Variants in ROBO1 observed in about 807,000 individuals in gnomAD.
ROBO1 encodes the protein roundabout guidance receptor 1.
Under a neutral mutation model 195.9 loss-of-function variants are expected in ROBO1, and 149 were observed. The observed-to-expected ratio is 0.76, with a 90% CI of 0.67 to 0.87. The LOEUF (loss-of-function observed/expected upper bound fraction) is 0.87. Among genes scored for constraint, ROBO1 ranks in the 40% least tolerant of loss-of-function variants. The pLI, the probability that ROBO1 is intolerant of heterozygous loss-of-function variation, is 0.00. For synonymous variants in ROBO1, 816 were observed against 733.2 expected, an observed-to-expected ratio of 1.11 and a Z score of -1.82; for missense variants, 1,933 against 2,068.3, an observed-to-expected ratio of 0.93 and a Z score of 1.27.
intron 3 of ROBO1, among the ~76,000 whole-genome samples, chr3:78,966,851 T>A (rs1194657255): frequency 2.0e-5 from 3 of 152,236 alleles, no homozygotes; most frequent in Non-Finnish European, 4.4e-5. Flanking sequence ...AAATGAATTA[T>A]CTGCTTTAAT....
At chr3:78,675,297 G>A (rs1234738677) in intron 10 of ROBO1, among the ~76,000 whole-genome samples, 6 of 152,226 alleles carry the variant, frequency 3.9e-5, no homozygotes, top group Admixed American at 1.3e-4. Context: ...TCTCACTAGG[G>A]AGTGCCAGAT....
chr3:79,515,224 G>T (rs2107555559), intron 2 of ROBO1, among the ~76,000 whole-genome samples: 1 of 152,278 alleles, frequency 6.6e-6, no homozygotes, highest in African/African-American at 2.4e-5. Flanking sequence ...AGAGCTTCCT[G>T]CACTGTTGAA....
chr3:79,585,217 T>G (rs1014481760), intron 2 of ROBO1, among the ~76,000 whole-genome samples: 3 of 152,068 alleles, frequency 2.0e-5, no homozygotes, highest in Non-Finnish European at 4.4e-5. Flanking sequence ...TATAGAATAT[T>G]TGCATAATTA....
chr3:78,712,005 A>G (rs920326135), intron 8 of ROBO1, among the ~76,000 whole-genome samples: 1 of 142,442 alleles, frequency 7.0e-6, no homozygotes, highest in African/African-American at 2.6e-5. Context: ...TGGGATTACA[A>G]GAAGACCTTG....
At chr3:79,424,318 A>C (rs778507890) in intron 2 of ROBO1, among the ~76,000 whole-genome samples, 4 of 152,156 alleles carry the variant, frequency 2.6e-5, no homozygotes, top group African/African-American at 4.8e-5. Context: ...CACATAATCA[A>C]ACATTTGAGA....
chr3:79,371,145 A>G (rs2036178483), intron 2 of ROBO1, among the ~76,000 whole-genome samples: 1 of 152,174 alleles, frequency 6.6e-6, no homozygotes, highest in African/African-American at 2.4e-5. Context: ...TGCAATAAAC[A>G]TATGTGTGCG....
chr3:78,702,516 G>A (rs1405825876), intron 8 of ROBO1, among the ~76,000 whole-genome samples: 1 of 152,136 alleles, frequency 6.6e-6, no homozygotes, highest in African/African-American at 2.4e-5. Flanking sequence ...TACTAACTCT[G>A]ATAAAATAAT....
At chr3:78,753,976 G>GT (rs1423352195) in intron 4 of ROBO1, among the ~76,000 whole-genome samples, 3 of 152,228 alleles carry the variant, frequency 2.0e-5, no homozygotes, top group Admixed American at 2.0e-4. Context: ...AGTAATATTT[G>GT]TAGATGTGTT....
At chr3:79,295,370 G>T (rs1329937519) in intron 2 of ROBO1, among the ~76,000 whole-genome samples, 5 of 152,168 alleles carry the variant, frequency 3.3e-5, no homozygotes, top group Non-Finnish European at 1.5e-5. Flanking sequence ...AACACTGCAT[G>T]TTGTCACTCA....
In ROBO1 at chr3:78,627,414, G is replaced by A. The variant is rs1256146175; in HGVS notation, c.3782C>T (p.Ala1261Val). Residue 1261 changes from alanine (A) to valine (V), a missense_variant, in exon 26 of 31, where the codon GCC becomes GTC. Ala to Val is a moderately conservative substitution (Grantham distance 64). Transcript: ENST00000464233. ...TTCCTGTGGGGAGGGAGTCAGAGTG[G>A]CAGTGGACTGATGGCTATAGGACAC... Reference protein sequence around the residue: ...AAVSYSHQSTATLTPSPQEEL... With the variant: ...AAVSYSHQSTVTLTPSPQEEL... 6.2e-7 allele frequency: 1 copy of A among 1,612,784 alleles called. No homozygotes were observed. The highest frequency in any genetic ancestry group is 8.5e-7 in the Non-Finnish European group (1 of 1,179,432).
chr3:79,052,371 T>A (rs2078717480), intron 3 of ROBO1, among the ~76,000 whole-genome samples: 1 of 152,062 alleles, frequency 6.6e-6, no homozygotes, highest in South Asian at 2.1e-4. Context: ...CTGTTTCCTG[T>A]TAAGATGTTT....
chr3:79,487,339 T>C (rs1356788317), intron 2 of ROBO1, among the ~76,000 whole-genome samples: 1 of 105,044 alleles, frequency 9.5e-6, no homozygotes, highest in Non-Finnish European at 1.9e-5. Flanking sequence ...ATATTATAGA[T>C]AATGACCACA....
intron 3 of ROBO1, among the ~76,000 whole-genome samples, chr3:79,066,712 C>T (rs1477612628): frequency 6.6e-6 from 1 of 151,874 alleles, no homozygotes; most frequent in African/African-American, 2.4e-5. Context: ...TAATAATGAG[C>T]TCTGAAAGAC....
At chr3:79,722,430 C>T (rs1173255007) in intron 1 of ROBO1, among the ~76,000 whole-genome samples, 1 of 152,164 alleles carries the variant, frequency 6.6e-6, no homozygotes, top group Admixed American at 6.6e-5. Flanking sequence ...TTACTAAATA[C>T]ATTTTGATAG....
At chr3:79,372,043 T>C (rs939848408) in intron 2 of ROBO1, among the ~76,000 whole-genome samples, 1 of 151,960 alleles carries the variant, frequency 6.6e-6, no homozygotes, top group Non-Finnish European at 1.5e-5. Context: ...CCTATGAGAA[T>C]CTAGTGCCGC....
rs749787142 is a variant in ROBO1 at position 78,611,315 on chromosome 3, G to T, written c.4435+3333C>A. On this transcript the variant is annotated intron_variant, in intron 28 of 30. Coordinates refer to ENST00000464233, the MANE Select transcript of ROBO1 (RefSeq NM_002941.4). ...AAAGTAGGAATGGAGAAATAATGTA[G>T]ATTTGGTTTTTAAATCAACTATGTA... 6.4e-4 allele frequency among the ~76,000 whole-genome samples: 97 copies of T among 152,174 alleles called. 1 individual carries two copies. The highest frequency in any genetic ancestry group is 1.3e-4 in the Admixed American group (2 of 15,278).
In ROBO1 at chr3:79,419,611, G is replaced by T. The variant is rs543880798; in HGVS notation, c.88+170213C>A. On this transcript the variant is annotated intron_variant, in intron 2 of 30. Coordinates refer to ENST00000464233, the MANE Select transcript of ROBO1 (RefSeq NM_002941.4). The stretch of plus-strand genomic sequence containing the variant: ...TAAGTCTAATTTACTACAGAAAGAT[G>T]CTATGAGAGGGTTTGGGCCCTCTGA... Among the ~76,000 whole-genome samples the T allele has an allele frequency of 1.4e-4, 22 of 152,214 alleles. No homozygotes were observed. In the South Asian group the frequency reaches 4.4e-3, roughly 30 times the overall value.
At chr3:78,946,651 G>A (rs1232755890) in intron 3 of ROBO1, among the ~76,000 whole-genome samples, 2 of 152,144 alleles carry the variant, frequency 1.3e-5, no homozygotes, top group East Asian at 1.9e-4. Flanking sequence ...CATAATGACA[G>A]GATCAGATTC....
rs932495319 is a variant in ROBO1 at position 78,850,727 on chromosome 3, C to T, written c.499+87874G>A. On this transcript the variant is annotated intron_variant, in intron 4 of 30. Coordinates refer to ENST00000464233, the MANE Select transcript of ROBO1 (RefSeq NM_002941.4). Reference sequence around the variant, plus strand: ...AGTACAAGGACGTCAAACAGAAATGCTGCTTCTTGGATTGGGGTACCACTC... The same window carrying T: ...AGTACAAGGACGTCAAACAGAAATGTTGCTTCTTGGATTGGGGTACCACTC... Among the ~76,000 whole-genome samples, 6 of 152,130 alleles carry T rather than the reference C, an allele frequency of 3.9e-5. No homozygotes were observed. In the East Asian group the frequency reaches 1.2e-3, roughly 29 times the overall value.
Sources: gnomAD v4.1 joint callset for allele counts (sites outside exome capture counted in the v4.1 genomes callset) on GRCh38, gnomAD v4.1.1 for gene constraint, MANE v1.5 for transcripts, NCBI Gene and HGNC (gene_info 2026-07-23, HGNC 2026-07-21) for gene names.